Variants in PTPRN2 observed in about 807,000 individuals in gnomAD.
PTPRN2 encodes the protein receptor-type tyrosine-protein phosphatase N2.
A neutral mutation model predicts 118.8 loss-of-function variants in PTPRN2; 74 were observed. That is an observed-to-expected ratio of 0.62 (90% CI 0.52 to 0.76). The LOEUF (loss-of-function observed/expected upper bound fraction) is 0.76. Among genes scored for constraint, PTPRN2 ranks in the 30% least tolerant of loss-of-function variants. The pLI, the probability that PTPRN2 is intolerant of heterozygous loss-of-function variation, is 0.00. For missense variants in PTPRN2, 1,481 were observed against 1,394.4 expected (o/e 1.06, Z -0.99); for synonymous variants, 641 against 608.0 (o/e 1.05, Z -0.80).
At chr7:158,004,179 A>T (rs998047360) in intron 11 of PTPRN2, among the ~76,000 whole-genome samples, 1 of 144,630 alleles carries the variant, frequency 6.9e-6, no homozygotes, top group African/African-American at 2.6e-5. Flanking sequence ...CAAAAAGAAG[A>T]CTTCACATGA....
At chr7:157,750,943 C>T (rs1408235338) in intron 12 of PTPRN2, among the ~76,000 whole-genome samples, 3 of 152,212 alleles carry the variant, frequency 2.0e-5, no homozygotes, top group Non-Finnish European at 2.9e-5. Context: ...AGCCAGGGCT[C>T]GCTGGTAGGC....
At chr7:157,547,316 A>G (rs1379813226) in intron 22 of PTPRN2, among the ~76,000 whole-genome samples, 2 of 152,128 alleles carry the variant, frequency 1.3e-5, no homozygotes, top group Non-Finnish European at 2.9e-5. Flanking sequence ...AGAAGGTGGT[A>G]TGTGCCAGCC....
At chr7:157,774,396 T>TGTC (rs2151033516) in intron 12 of PTPRN2, among the ~76,000 whole-genome samples, 1 of 152,314 alleles carries the variant, frequency 6.6e-6, no homozygotes, top group Non-Finnish European at 1.5e-5. Context: ...GCATCATGCC[T>TGTC]GTCAAGCCTG....
intron 2 of PTPRN2, among the ~76,000 whole-genome samples, chr7:158,330,910 C>A (rs1335655551): frequency 1.0e-5 from 1 of 100,390 alleles, no homozygotes; most frequent in Non-Finnish European, 2.0e-5. Context: ...GAGCTGACAC[C>A]TGCAGACGTC....
intron 11 of PTPRN2, among the ~76,000 whole-genome samples, chr7:158,078,780 G>A (rs143939545): frequency 2.0e-5 from 3 of 152,298 alleles, no homozygotes; most frequent in African/African-American, 7.2e-5. Flanking sequence ...ACATGGGCAT[G>A]TCCACTGCCT....
intron 2 of PTPRN2, among the ~76,000 whole-genome samples, chr7:158,480,811 G>T (rs1306419382): frequency 1.3e-5 from 2 of 152,232 alleles, no homozygotes; most frequent in Non-Finnish European, 2.9e-5. Flanking sequence ...TTCCATGAAG[G>T]CTGAGAGAAG....
intron 13 of PTPRN2, among the ~76,000 whole-genome samples, chr7:157,675,402 GGGCTCACCCGGGTGTT>G (rs1585219813): frequency 1.3e-5 from 2 of 152,134 alleles, no homozygotes; most frequent in African/African-American, 4.8e-5. Flanking sequence ...GACCACACAG[GGGCTCACCCGGGTGTT>G]GGCTCACCCG....
intron 6 of PTPRN2, among the ~76,000 whole-genome samples, chr7:158,142,926 C>T (rs77832996): frequency 0.084 from 12,792 of 152,158 alleles, 609 homozygotes; most frequent in African/African-American, 0.13. Flanking sequence ...ATTAAAGGTG[C>T]GTGTATACCA....
At chr7:158,130,434 GTACA>G (rs1238709957) in intron 9 of PTPRN2, among the ~76,000 whole-genome samples, 132 of 127,150 alleles carry the variant, frequency 1.0e-3, no homozygotes, top group African/African-American at 3.8e-3. Context: ...ACACACACAC[GTACA>G]TACAGATACA....
intron 3 of PTPRN2, among the ~76,000 whole-genome samples, chr7:158,298,563 A>G (rs1012357018): frequency 6.6e-6 from 1 of 152,234 alleles, no homozygotes; most frequent in African/African-American, 2.4e-5. Context: ...AACAAAGTTT[A>G]TGTGCCGTGA....
chr7:158,262,711 A>G (rs905779963), intron 3 of PTPRN2, among the ~76,000 whole-genome samples: 4 of 147,374 alleles, frequency 2.7e-5, no homozygotes, highest in South Asian at 2.1e-4. Context: ...GCACAGATTC[A>G]CACACATTGC....
At chr7:158,229,373 A>G (rs73176122) in intron 3 of PTPRN2, among the ~76,000 whole-genome samples, 35,915 of 151,916 alleles carry the variant, frequency 0.24, 4,486 homozygotes, top group African/African-American at 0.3. Context: ...CAAATGGGAA[A>G]CCATGGCCTT....
Position 158,551,031 on chromosome 7 carries a change from C to T in PTPRN2, c.112+36527G>A, listed in dbSNP as rs112559173. ...TGTCCACCAGCAGCGACCGTGAGCA[C>T]GGGGCCCTTGGAGAAGGAGGGAGGC... On this transcript the variant is annotated intron_variant, in intron 1 of 22. Coordinates refer to ENST00000389418, the MANE Select transcript of PTPRN2 (RefSeq NM_002847.5). Among the ~76,000 whole-genome samples, 1,186 of 152,320 alleles carry T rather than the reference C, an allele frequency of 7.8e-3. 12 individuals are homozygous for T. Among genetic ancestry groups the T allele is most frequent in the African/African-American group, 0.026 (1,085 of 41,566 alleles).
At chr7:158,042,963 T>C (rs1223046498) in intron 11 of PTPRN2, among the ~76,000 whole-genome samples, 1 of 152,230 alleles carries the variant, frequency 6.6e-6, no homozygotes, top group Non-Finnish European at 1.5e-5. Context: ...CAAAACACTC[T>C]TGGAGGTTCT....
intron 12 of PTPRN2, among the ~76,000 whole-genome samples, chr7:157,812,806 T>C (rs963825043): frequency 4.6e-5 from 7 of 152,026 alleles, no homozygotes; most frequent in African/African-American, 1.7e-4. Flanking sequence ...GAAATGGAGG[T>C]TGAGTTCCCG....
chr7:158,311,932 C>T (rs956706408), intron 3 of PTPRN2, among the ~76,000 whole-genome samples: 1 of 151,100 alleles, frequency 6.6e-6, no homozygotes, highest in African/African-American at 2.4e-5. Flanking sequence ...CACATGTGCT[C>T]ACGTGTAGAC....
intron 12 of PTPRN2, among the ~76,000 whole-genome samples, chr7:157,825,974 G>A (rs1195318967): frequency 6.6e-6 from 1 of 152,210 alleles, no homozygotes; most frequent in Non-Finnish European, 1.5e-5. Flanking sequence ...AGAAGCGCAA[G>A]TGCTTTATTC....
intron 12 of PTPRN2, among the ~76,000 whole-genome samples, chr7:157,750,033 C>T (rs1315603814): frequency 1.3e-5 from 2 of 152,050 alleles, no homozygotes; most frequent in African/African-American, 4.8e-5. Context: ...ACTCTGAGGC[C>T]TGCTTCTCTG....
intron 11 of PTPRN2, among the ~76,000 whole-genome samples, chr7:157,946,284 A>G (rs1180909743): frequency 1.3e-5 from 2 of 151,112 alleles, no homozygotes; most frequent in East Asian, 3.9e-4. Flanking sequence ...TTGAGAAGAC[A>G]CTAAAAAAAA....
Sources: allele counts gnomAD v4.1 joint callset (sites outside exome capture counted in the v4.1 genomes callset), GRCh38; gene constraint gnomAD v4.1.1; transcripts MANE v1.5; gene names NCBI Gene and HGNC (gene_info 2026-07-23, HGNC 2026-07-21).